The following DAGLB variants were observed in gnomAD, a reference collection of about 807,000 sequenced individuals.
DAGLB encodes diacylglycerol lipase beta.
In DAGLB, 66 loss-of-function variants were observed where a neutral mutation model predicts 72.1. That is an observed-to-expected ratio of 0.92 (90% CI 0.75 to 1.12). The LOEUF (loss-of-function observed/expected upper bound fraction) is 1.12, where lower values mean the gene tolerates loss of function less well. Ranked by LOEUF, DAGLB falls within the 50% of genes most tolerant of loss-of-function variation. The pLI, the probability that DAGLB is intolerant of heterozygous loss-of-function variation, is 0.00. For missense variants in DAGLB, 1,065 were observed against 884.9 expected (o/e 1.20, Z -2.58); for synonymous variants, 414 against 359.5 (o/e 1.15, Z -1.71).
At chr7:6,428,669 T>C (rs1404901076) in intron 6 of DAGLB, among the ~76,000 whole-genome samples, 2 of 152,014 alleles carry the variant, frequency 1.3e-5, no homozygotes, top group Non-Finnish European at 2.9e-5. Flanking sequence ...GTATTTTTAG[T>C]AGAGACGGGG....
Position 6,409,556 on chromosome 7 carries a change from G to C in DAGLB, c.*281C>G, listed in dbSNP as rs1783646231. 4.1e-6 allele frequency: 2 copies of C among 492,774 alleles called. No homozygotes were observed. The highest frequency in any genetic ancestry group is 3.9e-5 in the African/African-American group (2 of 51,506). 30.5% of individuals were successfully genotyped at this position (492,774 alleles called of 1,614,324 possible). On this transcript the variant is annotated 3_prime_UTR_variant, in exon 15 of 15. Coordinates refer to ENST00000297056, the MANE Select transcript of DAGLB (RefSeq NM_139179.4). ...TCTGGAGCAGTCCTCAGACAGCCAAGGGATCCATCCACGGGCCAGGGCTTC... is the reference window on the plus strand; with the variant it reads ...TCTGGAGCAGTCCTCAGACAGCCAACGGATCCATCCACGGGCCAGGGCTTC...
At chr7:6,443,430 G>A (rs1243885806) in intron 2 of DAGLB, among the ~76,000 whole-genome samples, 2 of 152,048 alleles carry the variant, frequency 1.3e-5, no homozygotes, top group African/African-American at 4.8e-5. Context: ...GTCCAGCCCT[G>A]GGCAACAAGG....
chr7:6,423,994 C>A (rs1229239011), intron 8 of DAGLB, among the ~76,000 whole-genome samples: 1 of 152,138 alleles, frequency 6.6e-6, no homozygotes, highest in Non-Finnish European at 1.5e-5. Flanking sequence ...CCACAGATGG[C>A]TCCTGAAGAT....
At chr7:6,430,452 T>C in intron 6 of DAGLB, 28 bp downstream of exon 6, 1 of 1,451,210 alleles carries the variant, frequency 6.9e-7, no homozygotes, top group Non-Finnish European at 9.2e-7. Flanking sequence ...GAAATATGGC[T>C]ATGGAGGCTC....
chr7:6,443,668 C>G (rs937713335), intron 2 of DAGLB, among the ~76,000 whole-genome samples: 1 of 152,026 alleles, frequency 6.6e-6, no homozygotes, highest in African/African-American at 2.4e-5. Flanking sequence ...ATCTTGATGC[C>G]GTCACTCACT....
At chr7:6,412,379 C>A (rs181583352) in intron 13 of DAGLB, among the ~76,000 whole-genome samples, 1 of 152,250 alleles carries the variant, frequency 6.6e-6, no homozygotes, top group Admixed American at 6.5e-5. Context: ...AGCCAAAAGG[C>A]ATTAACAAAC....
Position 6,412,853 on chromosome 7 carries a change from CTT to C in DAGLB, c.1525_1526del (p.Lys509GlufsTer12). 6 of 1,604,944 alleles carry C rather than the reference CTT, an allele frequency of 3.7e-6. No homozygotes were observed. The highest frequency in any genetic ancestry group is 5.1e-6 in the Non-Finnish European group (6 of 1,174,796). ...RLSVTNLEDLKRRILRVVAHC... is the reference protein window; with the variant it reads ...RLSVTNLEDLXRRILRVVAHC... The stretch of plus-strand genomic sequence containing the variant: ...GCGCGACCACTCGCAAGATTCTTCT[CTT>C]CAGATCTTCCAAGTTGGTCACACTG... On this transcript the variant is annotated frameshift_variant, in exon 13 of 15. Transcript: ENST00000297056. LOFTEE classifies it high-confidence loss of function.
chr7:6,414,893 G>T (rs910862934), intron 11 of DAGLB, among the ~76,000 whole-genome samples: 39 of 152,064 alleles, frequency 2.6e-4, no homozygotes, highest in African/African-American at 8.5e-4. Context: ...ATGAGGCCAG[G>T]CACAGTGCTC....
In DAGLB at chr7:6,447,762, G is replaced by A. The variant is rs755750282; in HGVS notation, c.81C>T (p.Val27=). 10 of 1,613,382 alleles carry A rather than the reference G, an allele frequency of 6.2e-6. No individual in the cohort carries two copies. In the South Asian group the frequency reaches 8.8e-5, roughly 14 times the overall value. Reference sequence around the variant, plus strand: ...GCCGTCCTTACCACAGCACTCGCACGACCAGCTCGAAGAACCCTGGGAAGA... The same window carrying A: ...GCCGTCCTTACCACAGCACTCGCACAACCAGCTCGAAGAACCCTGGGAAGA... ...DLVFPGFFEL[V]VRVLWWIGIL... is the part of the protein sequence containing the mutation. The change falls in exon 1 of 15, where the codon GTC becomes GTT. Residue 27 remains valine (V), a synonymous_variant. Transcript: ENST00000297056.
intron 2 of DAGLB, among the ~76,000 whole-genome samples, chr7:6,443,768 C>A (rs1263572289): frequency 5.3e-5 from 8 of 152,096 alleles, no homozygotes. Flanking sequence ...TGACAAAGGA[C>A]TAAAACATGG....
chr7:6,430,583 C>T lies in DAGLB; in HGVS notation c.826G>A (p.Glu276Lys). The T allele has an allele frequency of 1.2e-6, 2 of 1,603,120 alleles. No homozygotes were observed. The highest frequency in any genetic ancestry group is 1.7e-6 in the Non-Finnish European group (2 of 1,172,962). ...SQEADLDAELENCHHYMQFAA... is the reference protein window; with the variant it reads ...SQEADLDAELKNCHHYMQFAA... The stretch of plus-strand genomic sequence containing the variant: ...AACTGCATGTAATGATGGCAGTTTT[C>T]TAATTCTGCATCCAGATCAGCTTCC... The change falls in exon 6 of 15, where the codon GAA becomes AAA. Residue 276 changes from glutamate (E) to lysine (K), a missense_variant. By Grantham distance (56) the Glu-to-Lys change is moderately conservative (BLOSUM62 1). Coordinates refer to ENST00000297056, the MANE Select transcript of DAGLB (RefSeq NM_139179.4).
chr7:6,442,114 T>A (rs1784855233), intron 2 of DAGLB, among the ~76,000 whole-genome samples: 1 of 152,096 alleles, frequency 6.6e-6, no homozygotes, highest in Admixed American at 6.6e-5. Flanking sequence ...TCTCCCTGAC[T>A]CTCACTGGGC....
intron 11 of DAGLB, among the ~76,000 whole-genome samples, chr7:6,414,061 A>G (rs535522232): frequency 1.5e-4 from 23 of 152,288 alleles, no homozygotes; most frequent in South Asian, 4.1e-4. Flanking sequence ...CCCAGGCTGG[A>G]GTGCAGCGGC....
At chr7:6,446,175 G>T in intron 1 of DAGLB, 71 bp from the exon 2 acceptor site, 1 of 1,488,946 alleles carries the variant, frequency 6.7e-7, no homozygotes, top group Non-Finnish European at 9.0e-7. Flanking sequence ...ATGATACAAA[G>T]AAATAAAAGG....
At chr7:6,436,895 C>T (rs1189039416) in intron 2 of DAGLB, among the ~76,000 whole-genome samples, 4 of 151,908 alleles carry the variant, frequency 2.6e-5, no homozygotes, top group African/African-American at 9.7e-5. Flanking sequence ...ACCTGTACTC[C>T]CAGCACTTTG....
chr7:6,423,838 T>C (rs1784214714), intron 8 of DAGLB, among the ~76,000 whole-genome samples: 1 of 151,906 alleles, frequency 6.6e-6, no homozygotes. Context: ...CCACCCACCT[T>C]GGCCTCCCAA....
Position 6,413,637 on chromosome 7 carries a change from A to AG in DAGLB, c.1428-604_1428-603insC, listed in dbSNP as rs1583279667. Reference sequence around the variant, plus strand: ...AGAGCGAGACTCCATCTCAAAAGAAAAAAAAAAAAAAAAGATGCCCCAGCA... The same window carrying AG: ...AGAGCGAGACTCCATCTCAAAAGAAAGAAAAAAAAAAAAAGATGCCCCAGCA... On this transcript the variant is annotated intron_variant, in intron 11 of 14. Transcript: ENST00000297056. 4.0e-5 allele frequency among the ~76,000 whole-genome samples: 6 copies of AG among 151,574 alleles called. No individual in the cohort carries two copies. The South Asian group carries it at 1.0e-3, about 26-fold the overall frequency.
rs1783655058 is a variant in DAGLB, at chr7:6,409,785, A to C, written c.*52T>G. 1 of 1,579,406 alleles carries C rather than the reference A, an allele frequency of 6.3e-7. No homozygotes were observed. Among genetic ancestry groups the C allele is most frequent in the Non-Finnish European group, 8.6e-7 (1 of 1,160,344 alleles). On this transcript the variant is annotated 3_prime_UTR_variant, in exon 15 of 15. Transcript: ENST00000297056. ...AACTCCTCGGATGGTAAGTCAGTTTAAGGACAAAAGCGTGAGTCCATCGTT... is the reference window on the plus strand; with the variant it reads ...AACTCCTCGGATGGTAAGTCAGTTTCAGGACAAAAGCGTGAGTCCATCGTT...
intron 5 of DAGLB, 86 bp from the exon 6 acceptor site, chr7:6,430,693 ATTCCTGACTC>A (rs923465951): frequency 5.3e-6 from 7 of 1,329,542 alleles, no homozygotes; most frequent in Admixed American, 3.0e-5. Flanking sequence ...ACCTGAACTC[ATTCCTGACTC>A]TTCCTGCTCC....
Sources: gnomAD v4.1 joint callset for allele counts (sites outside exome capture counted in the v4.1 genomes callset) on GRCh38, gnomAD v4.1.1 for gene constraint, MANE v1.5 for transcripts, NCBI Gene and HGNC (gene_info 2026-07-23, HGNC 2026-07-21) for gene names.